The following RNF214 variants were observed in gnomAD, a reference collection of about 807,000 sequenced individuals.
The protein encoded by RNF214 is ring finger protein 214.
Under a neutral mutation model 75.9 loss-of-function variants are expected in RNF214, and 25 were observed. The observed-to-expected ratio is 0.33, with a 90% CI of 0.24 to 0.46. The LOEUF (loss-of-function observed/expected upper bound fraction) is 0.46. Among genes scored for constraint, RNF214 ranks in the 20% least tolerant of loss-of-function variants. The pLI is 1.00. For synonymous variants in RNF214, 314 were observed against 308.8 expected, an observed-to-expected ratio of 1.02 and a Z score of -0.18; for missense variants, 725 against 857.5, an observed-to-expected ratio of 0.85 and a Z score of 1.93.
chr11:117,268,135 G>A (rs1478455611), intron 6 of RNF214, among the ~76,000 whole-genome samples: 2 of 152,210 alleles, frequency 1.3e-5, no homozygotes, highest in Non-Finnish European at 1.5e-5. Context: ...CACATAGTTT[G>A]TCCTAACTTT....
intron 14 of RNF214, among the ~76,000 whole-genome samples, 193 bp from the exon 15 acceptor site, chr11:117,284,893 G>T (rs1048525665): frequency 1.3e-5 from 2 of 152,256 alleles, no homozygotes; most frequent in East Asian, 3.9e-4. Context: ...TCACACCACT[G>T]CACGCCAGCC....
chr11:117,267,119 C>T (rs1302922505), intron 6 of RNF214, among the ~76,000 whole-genome samples: 3 of 151,996 alleles, frequency 2.0e-5, no homozygotes, highest in East Asian at 3.9e-4. Flanking sequence ...GAATTATAGG[C>T]GTTCTTTATA....
intron 6 of RNF214, among the ~76,000 whole-genome samples, chr11:117,265,635 A>C (rs1255415068): frequency 6.6e-6 from 1 of 152,092 alleles, no homozygotes; most frequent in East Asian, 1.9e-4. Flanking sequence ...GGCTGGTCTC[A>C]AACTCCTGAC....
chr11:117,285,030 C>T, intron 14 of RNF214, 56 bp from the exon 15 acceptor site: 1 of 1,301,428 alleles, frequency 7.7e-7, no homozygotes, highest in South Asian at 1.2e-5. Flanking sequence ...GCATTCTCTC[C>T]TTCCTTCCCT....
chr11:117,239,243 C>A, intron 3 of RNF214, 132 bp downstream of exon 3: 2 of 822,906 alleles, frequency 2.4e-6, no homozygotes, highest in Non-Finnish European at 3.8e-6. Context: ...TAGCAACCAT[C>A]ATACTACTCT....
chr11:117,263,801 G>T, intron 6 of RNF214: 1 of 223,972 alleles, frequency 4.5e-6, no homozygotes, highest in South Asian at 5.5e-5. Context: ...CTCTGTAATT[G>T]TCCTGGCCTA....
intron 13 of RNF214, 25 bp downstream of exon 13, chr11:117,282,875 T>C (rs375787287): frequency 7.8e-6 from 12 of 1,546,354 alleles, no homozygotes; most frequent in Non-Finnish European, 1.1e-5. Context: ...CTTTGAACAC[T>C]GTGATATGGA....
chr11:117,285,073 TC>T lies in RNF214; in HGVS notation c.2047-12del. The T allele has an allele frequency of 1.3e-6, 2 of 1,598,224 alleles. No individual in the cohort carries two copies. The highest frequency in any genetic ancestry group is 1.7e-6 in the Non-Finnish European group (2 of 1,165,872). On this transcript the variant is annotated splice_polypyrimidine_tract_variant and intron_variant, in intron 14 of 14. Transcript: ENST00000300650. ...TCCAGATAAACCTGAGGTGTGTCTTTCTTTCTTTCCAGTGTATCAAATTCTG... is the reference window on the plus strand; with the variant it reads ...TCCAGATAAACCTGAGGTGTGTCTTTTTTCTTTCCAGTGTATCAAATTCTG...
At chr11:117,284,344 T>G (rs2034197432) in intron 14 of RNF214, among the ~76,000 whole-genome samples, 1 of 152,206 alleles carries the variant, frequency 6.6e-6, no homozygotes, top group Non-Finnish European at 1.5e-5. Context: ...GCAGGGATGA[T>G]TCCCTCTTAA....
At chr11:117,242,099 CACTT>C (rs1402418003) in intron 4 of RNF214, among the ~76,000 whole-genome samples, 1 of 152,160 alleles carries the variant, frequency 6.6e-6, no homozygotes, top group Admixed American at 6.5e-5. Flanking sequence ...GAGAACGTCA[CACTT>C]ACCTTTGTTA....
At chr11:117,237,729 T>C (rs893227278) in intron 2 of RNF214, among the ~76,000 whole-genome samples, 1 of 152,158 alleles carries the variant, frequency 6.6e-6, no homozygotes, top group African/African-American at 2.4e-5. Flanking sequence ...CAGAATATCC[T>C]AATGTTAAGC....
intron 8 of RNF214, 125 bp downstream of exon 8, chr11:117,280,384 A>G (rs942315807): frequency 5.3e-5 from 38 of 714,926 alleles, no homozygotes; most frequent in Non-Finnish European, 8.2e-5. Context: ...TTGTAAGGCT[A>G]TCTCTGTCTG....
At position 117,286,382 on chromosome 11, in the gene RNF214, T is replaced by G. The variant is rs1591847954; in HGVS notation, c.*1231T>G. ...TATTAGAGCTTTGAATCTTTTCCTATCCTTTTATCTTTACTCCTACAGGGA... is the reference window on the plus strand; with the variant it reads ...TATTAGAGCTTTGAATCTTTTCCTAGCCTTTTATCTTTACTCCTACAGGGA... On this transcript the variant is annotated 3_prime_UTR_variant, in exon 15 of 15. Transcript: ENST00000300650. The G allele has an allele frequency of 6.6e-6, 1 of 152,230 alleles. No individual in the cohort carries two copies. Among genetic ancestry groups the G allele is most frequent in the South Asian group, 2.1e-4 (1 of 4,834 alleles). The allele number at this position is 152,230 out of a possible 1,614,324, so 9.4% of individuals were successfully genotyped here. A position where few individuals can be genotyped will look rare whatever the true frequency, so the allele number is the denominator to read the frequency against.
chr11:117,265,860 A>G (rs185824157), intron 6 of RNF214, among the ~76,000 whole-genome samples: 141 of 152,322 alleles, frequency 9.3e-4, no homozygotes, highest in African/African-American at 2.8e-3. Flanking sequence ...GCACATACCT[A>G]TTGCTCTACA....
intron 1 of RNF214, 64 bp from the exon 2 acceptor site, chr11:117,234,203 G>A (rs1353080494): frequency 1.6e-5 from 19 of 1,169,030 alleles, no homozygotes; most frequent in Non-Finnish European, 2.3e-5. Flanking sequence ...TTCTGAGGGG[G>A]GAGAGATACA....
At chr11:117,262,705 C>CATT (rs1565340486) in intron 6 of RNF214, among the ~76,000 whole-genome samples, 5 of 80,564 alleles carry the variant, frequency 6.2e-5, no homozygotes, top group African/African-American at 3.3e-4. Context: ...TATTGAGGAA[C>CATT]GTTGTGTGTG....
At chr11:117,235,612 T>C (rs1369790043) in intron 2 of RNF214, among the ~76,000 whole-genome samples, 2 of 151,236 alleles carry the variant, frequency 1.3e-5, no homozygotes, top group African/African-American at 4.9e-5. Flanking sequence ...GTCTCCTGGA[T>C]TCCCTTACCT....
chr11:117,260,750 G>A (rs1214035177), intron 6 of RNF214, among the ~76,000 whole-genome samples: 1 of 149,606 alleles, frequency 6.7e-6, no homozygotes, highest in Non-Finnish European at 1.5e-5. Context: ...CGCCTCCCAG[G>A]TTCAAGCGGT....
At chr11:117,244,656 A>G in intron 5 of RNF214, 71 bp downstream of exon 5, 1 of 1,157,622 alleles carries the variant, frequency 8.6e-7, no homozygotes, top group Non-Finnish European at 1.2e-6. Flanking sequence ...TTTTTTAAAA[A>G]ACTTTATTTA....
Sources: allele counts gnomAD v4.1 joint callset (sites outside exome capture counted in the v4.1 genomes callset), GRCh38; gene constraint gnomAD v4.1.1; transcripts MANE v1.5; gene names NCBI Gene and HGNC (gene_info 2026-07-23, HGNC 2026-07-21).